The following WWC1 variants were observed in gnomAD, a reference collection of about 807,000 sequenced individuals.
The protein encoded by WWC1 is WW and C2 domain containing 1.
WWC1 carries 55 observed loss-of-function variants against 138.4 expected under a neutral mutation model. The observed-to-expected ratio is 0.40, with a 90% CI of 0.32 to 0.50. The LOEUF (loss-of-function observed/expected upper bound fraction) is 0.50. Ranked by LOEUF, WWC1 falls within the 20% of genes least tolerant of loss-of-function variation. The probability of loss-of-function intolerance (pLI) is 0.72; values close to 1 mark genes in which losing one functional copy is unlikely to be tolerated. For missense variants in WWC1, 1,226 were observed against 1,420.4 expected, an observed-to-expected ratio of 0.86 and a Z score of 2.20; for synonymous variants, 524 against 564.9, an observed-to-expected ratio of 0.93 and a Z score of 1.03.
rs1422417 is a variant in WWC1 at position 168,368,965 on chromosome 5, C to T, written c.120-2459C>T. Among the ~76,000 whole-genome samples the T allele has an allele frequency of 7.7e-3, 1,175 of 152,238 alleles. 12 individuals are homozygous for T. Among genetic ancestry groups the T allele is most frequent in the African/African-American group, 0.027 (1,110 of 41,554 alleles). Reference sequence around the variant, plus strand: ...AAGTCCCCATCACCTGTGTCTACCCCATTTTCCCTCCTTCTACTCCAAAAT... The same window carrying T: ...AAGTCCCCATCACCTGTGTCTACCCTATTTTCCCTCCTTCTACTCCAAAAT... On this transcript the variant is annotated intron_variant, in intron 1 of 22. Coordinates refer to ENST00000265293, the MANE Select transcript of WWC1 (RefSeq NM_015238.3).
chr5:168,461,420 C>T (rs569475998), intron 20 of WWC1, among the ~76,000 whole-genome samples: 2 of 152,336 alleles, frequency 1.3e-5, no homozygotes, highest in South Asian at 4.1e-4. Context: ...AGACTCTGCT[C>T]AGTGTGTCTG....
intron 2 of WWC1, among the ~76,000 whole-genome samples, chr5:168,373,184 A>G (rs1486762424): frequency 6.6e-6 from 1 of 152,224 alleles, no homozygotes; most frequent in Non-Finnish European, 1.5e-5. Flanking sequence ...AGACCTAATC[A>G]GTCTTTTCCT....
Position 168,469,236 on chromosome 5 carries a change from A to T in WWC1, c.*219A>T, listed in dbSNP as rs1289829972. 21 of 557,504 alleles carry T rather than the reference A, an allele frequency of 3.8e-5. No homozygotes were observed. The African/African-American group carries it at 3.9e-4, about 10-fold the overall frequency. The allele number at this position is 557,504 out of a possible 1,614,324, so 34.5% of individuals were successfully genotyped here. ...ACACACACAAAAACAGAAACAAAAA[A>T]AACCAGCATTAAAATAATAAGATTG... On this transcript the variant is annotated 3_prime_UTR_variant, in exon 23 of 23. Coordinates refer to ENST00000265293, the MANE Select transcript of WWC1 (RefSeq NM_015238.3).
intron 8 of WWC1, among the ~76,000 whole-genome samples, chr5:168,410,931 CTTTTTTTTT>C (rs1354123052): frequency 8.7e-6 from 1 of 114,480 alleles, no homozygotes; most frequent in Non-Finnish European, 1.8e-5. Context: ...ATGATCTTTG[CTTTTTTTTT>C]TTTTTTTTTT....
At chr5:168,424,346 G>A (rs1367469536) in intron 11 of WWC1, among the ~76,000 whole-genome samples, 1 of 152,140 alleles carries the variant, frequency 6.6e-6, no homozygotes, top group Non-Finnish European at 1.5e-5. Flanking sequence ...GATATACATG[G>A]ATTCATCTAT....
intron 15 of WWC1, 26 bp downstream of exon 15, chr5:168,431,470 CTGGCT>C: frequency 6.7e-7 from 1 of 1,485,540 alleles, no homozygotes; most frequent in East Asian, 2.3e-5. Context: ...GGCTGGCTGG[CTGGCT>C]GGCTGGCTGG....
intron 5 of WWC1, among the ~76,000 whole-genome samples, chr5:168,404,827 A>C (rs1296600522): frequency 6.6e-6 from 1 of 151,420 alleles, no homozygotes; most frequent in South Asian, 2.1e-4. Flanking sequence ...CTCCTTCTCC[A>C]GAAGCTCACC....
chr5:168,455,604 C>T, intron 19 of WWC1, 84 bp downstream of exon 19: 1 of 1,528,034 alleles, frequency 6.5e-7, no homozygotes, highest in Non-Finnish European at 8.8e-7. Flanking sequence ...CCATTACTCT[C>T]ATGTTATTGG....
At chr5:168,294,665 C>CG (rs1405445988) in intron 1 of WWC1, among the ~76,000 whole-genome samples, 2 of 152,190 alleles carry the variant, frequency 1.3e-5, no homozygotes, top group African/African-American at 4.8e-5. Context: ...CTCGCTCTGT[C>CG]GCCCAGGCTG....
At chr5:168,293,674 G>T (rs1769271475) in intron 1 of WWC1, among the ~76,000 whole-genome samples, 1 of 152,138 alleles carries the variant, frequency 6.6e-6, no homozygotes, top group Non-Finnish European at 1.5e-5. Context: ...TCAGATGGGG[G>T]AGCCCACCAT....
At chr5:168,372,899 C>T (rs1247628624) in intron 2 of WWC1, among the ~76,000 whole-genome samples, 1 of 152,230 alleles carries the variant, frequency 6.6e-6, no homozygotes, top group Non-Finnish European at 1.5e-5. Flanking sequence ...TAGGTGTGAA[C>T]TTAACCTGTG....
chr5:168,420,014 G>A (rs555090552), intron 9 of WWC1, among the ~76,000 whole-genome samples: 36 of 152,168 alleles, frequency 2.4e-4, no homozygotes, highest in Non-Finnish European at 4.1e-4. Context: ...AACTTCTCCC[G>A]ACTCTCTGGT....
At chr5:168,430,322 T>G (rs1781842099) in intron 14 of WWC1, 99 bp downstream of exon 14, 1 of 940,944 alleles carries the variant, frequency 1.1e-6, no homozygotes, top group African/African-American at 1.6e-5. Flanking sequence ...TTATGGGCCT[T>G]GTCAAGGCAC....
chr5:168,441,999 A>G, intron 16 of WWC1, 165 bp downstream of exon 16: 2 of 1,079,020 alleles, frequency 1.9e-6, no homozygotes, highest in Non-Finnish European at 2.5e-6. Context: ...ACTAAGGGGC[A>G]GGCGGCTCCC....
Position 168,469,011 on chromosome 5 carries a change from C to T in WWC1, c.3336C>T (p.Asp1112=), listed in dbSNP as rs778099412. The part of the protein sequence containing the change: ...RMNIPALSAD[D]V Reference sequence around the variant, plus strand: ...ATATCCCAGCTCTCTCTGCAGATGACGTCTAATCGCCAGAAAAGTATTTCC... The same window carrying T: ...ATATCCCAGCTCTCTCTGCAGATGATGTCTAATCGCCAGAAAAGTATTTCC... The change falls in exon 23 of 23, where the codon GAC becomes GAT. Residue 1112 remains aspartate, a synonymous_variant. Coordinates refer to ENST00000265293, the MANE Select transcript of WWC1 (RefSeq NM_015238.3). 27 of 1,614,078 alleles carry T rather than the reference C, an allele frequency of 1.7e-5. 1 individual carries two copies. Among genetic ancestry groups the T allele is most frequent in the Admixed American group, 5.0e-5 (3 of 60,004 alleles).
intron 1 of WWC1, among the ~76,000 whole-genome samples, chr5:168,368,042 A>G (rs1776450171): frequency 6.6e-6 from 1 of 151,054 alleles, no homozygotes; most frequent in Non-Finnish European, 1.5e-5. Flanking sequence ...TTTTTCTCAG[A>G]GTATATTGAG....
intron 1 of WWC1, among the ~76,000 whole-genome samples, chr5:168,366,802 C>CTTTTTTT (rs202012790): frequency 2.4e-4 from 24 of 100,562 alleles, no homozygotes; most frequent in South Asian, 4.1e-4. Flanking sequence ...CTTTGAAACA[C>CTTTTTTT]TTTTTTTTTT....
At chr5:168,417,349 T>C (rs937913026) in intron 9 of WWC1, among the ~76,000 whole-genome samples, 1 of 152,066 alleles carries the variant, frequency 6.6e-6, no homozygotes, top group Admixed American at 6.6e-5. Context: ...TTCTGTAAAA[T>C]TGTTGGTTTC....
chr5:168,465,902 A>C (rs1441443359), intron 21 of WWC1, among the ~76,000 whole-genome samples: 3 of 152,136 alleles, frequency 2.0e-5, no homozygotes. Flanking sequence ...AGTCCCTCAC[A>C]GCATGAGACC....
Sources: gnomAD v4.1 joint callset for allele counts (sites outside exome capture counted in the v4.1 genomes callset) on GRCh38, gnomAD v4.1.1 for gene constraint, MANE v1.5 for transcripts, NCBI Gene and HGNC (gene_info 2026-07-23, HGNC 2026-07-21) for gene names.